Variants in KLHL2 observed in about 807,000 individuals in gnomAD.
The protein encoded by KLHL2 is kelch-like protein 2.
KLHL2 carries 15 observed loss-of-function variants against 75.8 expected under a neutral mutation model. The ratio of observed to expected loss-of-function variants is 0.20; its 90% CI spans 0.13 to 0.30. The LOEUF (loss-of-function observed/expected upper bound fraction) is 0.30. Among genes scored for constraint, KLHL2 ranks in the 10% least tolerant of loss-of-function variants. The probability of loss-of-function intolerance (pLI) is 1.00; values close to 1 mark genes in which losing one functional copy is unlikely to be tolerated. For missense variants in KLHL2, 381 were observed against 741.0 expected, an observed-to-expected ratio of 0.51 and a Z score of 5.64; for synonymous variants, 214 against 251.9, an observed-to-expected ratio of 0.85 and a Z score of 1.42.
At chr4:165,321,078 A>G (rs926332807) in intron 14 of KLHL2, among the ~76,000 whole-genome samples, 5 of 152,216 alleles carry the variant, frequency 3.3e-5, no homozygotes, top group Non-Finnish European at 7.4e-5. Context: ...TGATATGTGC[A>G]CTGTAACTGA....
intron 14 of KLHL2, 97 bp from the exon 15 acceptor site, chr4:165,321,935 C>T (rs1747014613): frequency 2.9e-6 from 3 of 1,049,466 alleles, no homozygotes; most frequent in Non-Finnish European, 4.5e-6. Flanking sequence ...TGTACAGTTC[C>T]TCCTGCCTTC....
chr4:165,258,227 A>T (rs886795642), intron 4 of KLHL2, among the ~76,000 whole-genome samples: 1 of 152,190 alleles, frequency 6.6e-6, no homozygotes, highest in Non-Finnish European at 1.5e-5. Flanking sequence ...AAATATTTTT[A>T]ACATTCAAAA....
intron 8 of KLHL2, among the ~76,000 whole-genome samples, chr4:165,303,555 A>G (rs1317957683): frequency 6.9e-6 from 1 of 144,022 alleles, no homozygotes; most frequent in Non-Finnish European, 1.5e-5. Flanking sequence ...TTTATTAATT[A>G]TGTTTATTTT....
chr4:165,297,663 T>C lies in KLHL2; in HGVS notation c.709T>C (p.Phe237Leu). Residue 237 changes from phenylalanine (F) to leucine (L), a missense_variant, in exon 7 of 15, where the codon TTT becomes CTT. Around this residue, in one of 5 missense-constraint regions of KLHL2, gnomAD observed 111 missense variants for 150.1 expected, o/e 0.74. Coordinates refer to ENST00000226725, the MANE Select transcript of KLHL2 (RefSeq NM_007246.4). The part of the protein sequence containing the change: ...VNHDKDVRQE[F>L]MARLMEHVRL... ...CCATGACAAGGATGTGAGGCAAGAGTTTATGGCCCGACTGATGGAACATGT... is the reference window on the plus strand; with the variant it reads ...CCATGACAAGGATGTGAGGCAAGAGCTTATGGCCCGACTGATGGAACATGT... 6.2e-7 allele frequency: 1 copy of C among 1,613,930 alleles called. No individual in the cohort carries two copies. The highest frequency in any genetic ancestry group is 8.5e-7 in the Non-Finnish European group (1 of 1,179,896).
rs564381027 is a variant in KLHL2, at chr4:165,294,270, T to A, written c.545-89T>A. The A allele has an allele frequency of 5.4e-6, 4 of 738,924 alleles. No homozygotes were observed. The Admixed American group carries it at 1.0e-4, about 19-fold the overall frequency. 45.8% of individuals were successfully genotyped at this position (738,924 alleles called of 1,614,324 possible). ...TTGGTTTTCTCATTCTTAAGTTAGA[T>A]TAAATTAAGAAAAACCTTTTTTAAG... is the stretch of plus-strand genomic sequence containing the variant. On this transcript the variant is annotated intron_variant, in intron 5 of 14. Transcript: ENST00000226725.
chr4:165,311,102 C>G (rs2126565124), intron 10 of KLHL2, among the ~76,000 whole-genome samples: 1 of 152,054 alleles, frequency 6.6e-6, no homozygotes, highest in African/African-American at 2.4e-5. Flanking sequence ...TGTGATCCGC[C>G]CACCTCGGCC....
intron 3 of KLHL2, among the ~76,000 whole-genome samples, chr4:165,234,613 A>ATTTTTT (rs1186473633): frequency 4.3e-5 from 5 of 115,282 alleles, no homozygotes; most frequent in African/African-American, 1.0e-4. Flanking sequence ...TTGAGTTGGA[A>ATTTTTT]TTTTTTTTTT....
chr4:165,262,910 A>G (rs570245455), intron 4 of KLHL2, among the ~76,000 whole-genome samples: 5 of 152,250 alleles, frequency 3.3e-5, no homozygotes, highest in African/African-American at 9.6e-5. Context: ...TCAAAATAAC[A>G]TTTTGTTTAT....
chr4:165,303,871 ATGT>A (rs1400467976), intron 8 of KLHL2, among the ~76,000 whole-genome samples: 1 of 150,718 alleles, frequency 6.6e-6, no homozygotes, highest in African/African-American at 2.4e-5. Context: ...GCCAACCAAA[ATGT>A]TGTCTGTTTG....
intron 4 of KLHL2, among the ~76,000 whole-genome samples, chr4:165,244,146 C>G (rs1579028156): frequency 6.6e-6 from 1 of 152,144 alleles, no homozygotes; most frequent in African/African-American, 2.4e-5. Context: ...TCATTCCTCC[C>G]GTGTCTAATT....
intron 3 of KLHL2, 112 bp from the exon 4 acceptor site, chr4:165,238,666 T>A: frequency 6.4e-7 from 1 of 1,550,790 alleles, no homozygotes; most frequent in Admixed American, 2.2e-5. Context: ...TGGCTGATTA[T>A]GCTGCCTGTT....
At position 165,317,918 on chromosome 4, in the gene KLHL2, G is replaced by A. The variant is rs774099395; in HGVS notation, c.1702G>A (p.Asp568Asn). The part of the protein sequence containing the change: ...ASVEYYNPTT[D>N]KWTVVSSCMS... ...AGTAGAATATTATAACCCAACAACC[G>A]ATAAATGGACAGTTGTGTCATCGTG... The change falls in exon 14 of 15, where the codon GAT (aspartate) becomes AAT (asparagine). Residue 568 changes from aspartate (D) to asparagine (N), a missense_variant. Physicochemically the swap from Asp to Asn is conservative, Grantham distance 23 (BLOSUM62 1). Coordinates refer to ENST00000226725, the MANE Select transcript of KLHL2 (RefSeq NM_007246.4). 21 of 1,613,798 alleles carry A rather than the reference G, an allele frequency of 1.3e-5. No individual in the cohort carries two copies. Among genetic ancestry groups the A allele is most frequent in the Admixed American group, 1.7e-5 (1 of 59,980 alleles).
intron 8 of KLHL2, among the ~76,000 whole-genome samples, chr4:165,302,857 C>T (rs1013912290): frequency 6.6e-6 from 1 of 152,140 alleles, no homozygotes; most frequent in African/African-American, 2.4e-5. Flanking sequence ...ATTTGCTTAA[C>T]CTCCTACCCC....
At chr4:165,297,138 C>T (rs1294239248) in intron 6 of KLHL2, among the ~76,000 whole-genome samples, 1 of 151,876 alleles carries the variant, frequency 6.6e-6, no homozygotes, top group Non-Finnish European at 1.5e-5. Flanking sequence ...CAAACAGTGT[C>T]TTCATATTAG....
chr4:165,255,648 A>G (rs1741105367), intron 4 of KLHL2, among the ~76,000 whole-genome samples: 1 of 152,128 alleles, frequency 6.6e-6, no homozygotes, highest in Non-Finnish European at 1.5e-5. Flanking sequence ...CGCAAAACCC[A>G]GCCCTCTGCT....
intron 4 of KLHL2, 45 bp from the exon 5 acceptor site, chr4:165,263,152 G>A: frequency 6.2e-7 from 1 of 1,604,376 alleles, no homozygotes; most frequent in Non-Finnish European, 8.5e-7. Flanking sequence ...AAGAGGCAGT[G>A]TTTTTCCACC....
chr4:165,214,860 A>G (rs1282512865), intron 1 of KLHL2, among the ~76,000 whole-genome samples: 1 of 152,064 alleles, frequency 6.6e-6, no homozygotes, highest in African/African-American at 2.4e-5. Context: ...ATATTGTCTG[A>G]AAGGCATTCT....
intron 5 of KLHL2, chr4:165,278,655 A>G (rs751444908): frequency 1.3e-6 from 2 of 1,595,978 alleles, no homozygotes; most frequent in South Asian, 2.2e-5. Flanking sequence ...TCTCTTAGCC[A>G]GCGAATAACA....
intron 5 of KLHL2, among the ~76,000 whole-genome samples, chr4:165,284,927 A>G (rs1352319650): frequency 6.6e-6 from 1 of 152,216 alleles, no homozygotes; most frequent in East Asian, 1.9e-4. Flanking sequence ...GGAAACTCCC[A>G]TTTTTAAAAC....
Sources: gnomAD v4.1 joint callset for allele counts (sites outside exome capture counted in the v4.1 genomes callset) on GRCh38, gnomAD v4.1.1 for gene constraint, gnomAD v4.1.1 regional missense constraint, MANE v1.5 for transcripts, NCBI Gene and HGNC (gene_info 2026-07-23, HGNC 2026-07-21) for gene names.